Variants in SARS1 observed in about 807,000 individuals in gnomAD.
SARS1 encodes seryl-tRNA synthetase 1.
In SARS1, 25 loss-of-function variants were observed where a neutral mutation model predicts 63.7. The ratio of observed to expected loss-of-function variants is 0.39; its 90% confidence interval spans 0.29 to 0.55. The LOEUF (loss-of-function observed/expected upper bound fraction) is 0.55, where lower values mean the gene tolerates loss of function less well. Among genes scored for constraint, SARS1 ranks in the 20% least tolerant of loss-of-function variants. SARS1 has a pLI of 0.62. For synonymous variants in SARS1, 231 were observed against 243.5 expected, an observed-to-expected ratio of 0.95 and a Z score of 0.48; for missense variants, 417 against 649.7, an observed-to-expected ratio of 0.64 and a Z score of 3.89.
At chr1:109,220,434 C>T (rs922223291) in intron 1 of SARS1, among the ~76,000 whole-genome samples, 8 of 152,188 alleles carry the variant, frequency 5.3e-5, no homozygotes, top group Middle Eastern at 3.2e-3. Context: ...AGTGGTGTCT[C>T]ATTGTTATTT....
At chr1:109,231,077 ATATATATT>A in intron 5 of SARS1, 56 bp downstream of exon 5, 3 of 988,516 alleles carry the variant, frequency 3.0e-6, no homozygotes, top group Non-Finnish European at 3.8e-6. Context: ...AAATATATAT[ATATATATT>A]TTTTTTTTTT....
At chr1:109,233,862 A>ATTTTTTTTTTTTTTT (rs1164453054) in intron 6 of SARS1, among the ~76,000 whole-genome samples, 1 of 65,968 alleles carries the variant, frequency 1.5e-5, no homozygotes, top group Non-Finnish European at 2.7e-5. Flanking sequence ...CACCTGGCTA[A>ATTTTTTTTTTTTTTT]TTTTTTTTTT....
Position 109,237,488 on chromosome 1 carries a change from CTCTG to C in SARS1, c.1387+120_1387+123del, listed in dbSNP as rs1655338473. On this transcript the variant is annotated intron_variant, in intron 10 of 10. Coordinates refer to ENST00000234677, the MANE Select transcript of SARS1 (RefSeq NM_006513.4). This position sits in a 1 kb window ranked among gnomAD's most constrained non-coding sequence, Gnocchi z 4.1. ...TTTTGTTCAGACACAGCCCCTGAAACTCTGTCTGCCCTCTCGGGCTGGGCAGGGC... is the reference window on the plus strand; with the variant it reads ...TTTTGTTCAGACACAGCCCCTGAAACTCTGCCCTCTCGGGCTGGGCAGGGC... The C allele has an allele frequency of 3.4e-6, 5 of 1,479,486 alleles. No individual in the cohort carries two copies. The highest frequency in any genetic ancestry group is 3.7e-6 in the Non-Finnish European group (4 of 1,077,974). 91.6% of individuals were successfully genotyped at this position (1,479,486 alleles called of 1,614,324 possible).
intron 6 of SARS1, among the ~76,000 whole-genome samples, chr1:109,234,396 A>C (rs1655268039): frequency 6.6e-6 from 1 of 151,792 alleles, no homozygotes; most frequent in African/African-American, 2.4e-5. Context: ...ATGGTTGTAT[A>C]ATATTACATA....
At chr1:109,232,722 G>A (rs1655233554) in intron 6 of SARS1, among the ~76,000 whole-genome samples, 1 of 152,198 alleles carries the variant, frequency 6.6e-6, no homozygotes, top group African/African-American at 2.4e-5. Context: ...AGGGAGGAAT[G>A]TGTTCCTTTA....
intron 6 of SARS1, among the ~76,000 whole-genome samples, chr1:109,233,204 TCTCA>T (rs1035169059): frequency 1.3e-5 from 2 of 152,026 alleles, no homozygotes; most frequent in African/African-American, 4.8e-5. Context: ...AGAGACAGGG[TCTCA>T]CTATGTTGCC....
rs904568320 is a variant in SARS1, at chr1:109,215,348, C to T, written c.136+1220C>T. 7 of 985,220 alleles carry T rather than the reference C, an allele frequency of 7.1e-6. No homozygotes were observed. The African/African-American group carries it at 1.2e-4, about 17-fold the overall frequency. The allele number at this position is 985,220 out of a possible 1,614,324, so 61.0% of individuals were successfully genotyped here. On this transcript the variant is annotated intron_variant, in intron 1 of 10. Coordinates refer to ENST00000234677, the MANE Select transcript of SARS1 (RefSeq NM_006513.4). ...TATCAGATTTTTGTGTCAGTCCAGC[C>T]CTTAGCCAGTGCTAAATGACTTTGA...
chr1:109,235,145 G>T lies in SARS1; in HGVS notation c.748-65G>T. ...CACTATTATTGATCTCTTTCTTGTG[G>T]TTTCTTATTCTAGCCAAGGTCCTCC... is the stretch of plus-strand genomic sequence containing the variant. On this transcript the variant is annotated intron_variant, in intron 6 of 10. Coordinates refer to ENST00000234677, the MANE Select transcript of SARS1 (RefSeq NM_006513.4). The surrounding 1 kb of genome is among the most constrained non-coding windows in gnomAD (Gnocchi z 4.7). 2.3e-6 allele frequency: 3 copies of T among 1,303,276 alleles called. No homozygotes were observed. Among genetic ancestry groups the T allele is most frequent in the South Asian group, 1.2e-5 (1 of 84,086 alleles). 80.7% of individuals were successfully genotyped at this position (1,303,276 alleles called of 1,614,324 possible).
intron 5 of SARS1, 132 bp downstream of exon 5, chr1:109,231,153 C>A: frequency 1.9e-6 from 1 of 517,844 alleles, no homozygotes. Flanking sequence ...TTGTACTTGC[C>A]TTTCTGCAAA....
At chr1:109,227,554 C>T (rs772966244) in intron 2 of SARS1, among the ~76,000 whole-genome samples, 1 of 152,116 alleles carries the variant, frequency 6.6e-6, no homozygotes, top group Non-Finnish European at 1.5e-5. Context: ...ATCATTCCAT[C>T]CATCTTTCAC....
Position 109,238,052 on chromosome 1 carries a change from C to T in SARS1, c.*164C>T. On this transcript the variant is annotated 3_prime_UTR_variant, in exon 11 of 11. Transcript: ENST00000234677. ...TGTACCACACAGATGTTCCTGTCTC[C>T]TCGCATGGGCATAGGGACCCATCAT... The T allele has an allele frequency of 2.8e-6, 2 of 718,384 alleles. No individual in the cohort carries two copies. 44.5% of individuals were successfully genotyped at this position (718,384 alleles called of 1,614,324 possible).
At position 109,235,350 on chromosome 1, in the gene SARS1, C is replaced by T; in HGVS notation, c.888C>T (p.Gly296=). 2 of 1,614,098 alleles carry T rather than the reference C, an allele frequency of 1.2e-6. No individual in the cohort carries two copies. The highest frequency in any genetic ancestry group is 4.5e-5 in the East Asian group (2 of 44,874). ...AGGACCTGCCCATCAAGTATGCTGG[C>T]CTGTCTACCTGCTTCCGTCAGGAGG... ...RPEDLPIKYA[G]LSTCFRQEVG... is the part of the protein sequence containing the mutation. The change falls in exon 7 of 11, where the codon GGC becomes GGT. Residue 296 remains glycine (G), a synonymous_variant. Transcript: ENST00000234677. This position sits in a 1 kb window ranked among gnomAD's most constrained non-coding sequence, Gnocchi z 4.7.
At chr1:109,226,404 C>T (rs1238721387) in intron 2 of SARS1, among the ~76,000 whole-genome samples, 18 of 148,512 alleles carry the variant, frequency 1.2e-4, no homozygotes, top group East Asian at 9.8e-4. Context: ...CAGGCTAGAG[C>T]GCAGTGGCGT....
chr1:109,235,839 A>ACTC lies in SARS1; in HGVS notation c.970-138_970-137insCTC. ...CCATAAGCATTTGCTCTTGTGGTCC[A>ACTC]GTCCCAGTTGCTGGGGGCCCAGACT... On this transcript the variant is annotated intron_variant, in intron 7 of 10. Transcript: ENST00000234677. The surrounding 1 kb of genome is among the most constrained non-coding windows in gnomAD (Gnocchi z 4.7). The ACTC allele has an allele frequency of 1.3e-6, 1 of 781,226 alleles. No homozygotes were observed. The highest frequency in any genetic ancestry group is 2.1e-6 in the Non-Finnish European group (1 of 480,932). The allele number at this position is 781,226 out of a possible 1,614,324, so 48.4% of individuals were successfully genotyped here. A position where few individuals can be genotyped will look rare whatever the true frequency, so the allele number is the denominator to read the frequency against.
chr1:109,230,072 C>T (rs980121072), intron 4 of SARS1, among the ~76,000 whole-genome samples: 9 of 152,058 alleles, frequency 5.9e-5, no homozygotes, highest in Admixed American at 4.6e-4. Context: ...TCACTGCAGG[C>T]TGGGGTGTGC....
intron 9 of SARS1, chr1:109,236,848 C>T: frequency 6.2e-7 from 1 of 1,602,056 alleles, no homozygotes; most frequent in Non-Finnish European, 8.5e-7. Flanking sequence ...AAGTTGGAGG[C>T]TTCCCTCTTC....
intron 1 of SARS1, among the ~76,000 whole-genome samples, chr1:109,222,004 ATATATAT>A (rs1654955192): frequency 9.0e-5 from 1 of 11,112 alleles, no homozygotes; most frequent in African/African-American, 4.6e-4. Context: ...ATATATATAT[ATATATAT>A]TTTTTTTTTT....
intron 1 of SARS1, among the ~76,000 whole-genome samples, chr1:109,218,265 G>A (rs895261757): frequency 6.6e-6 from 1 of 150,532 alleles, no homozygotes; most frequent in African/African-American, 2.4e-5. Context: ...TACTTGGGAG[G>A]CCGAGGCAGG....
In SARS1 at chr1:109,237,162, G is replaced by A; in HGVS notation, c.1258-82G>A. On this transcript the variant is annotated intron_variant, in intron 9 of 10. Coordinates refer to ENST00000234677, the MANE Select transcript of SARS1 (RefSeq NM_006513.4). This position sits in a 1 kb window ranked among gnomAD's most constrained non-coding sequence, Gnocchi z 4.1. The stretch of plus-strand genomic sequence containing the variant: ...TGGACAGTTGTGGTTGGGGAAGTCT[G>A]GTTGAATGGATGGTTCCTGGCCGTC... The A allele has an allele frequency of 6.5e-7, 1 of 1,536,850 alleles. No individual in the cohort carries two copies. Among genetic ancestry groups the A allele is most frequent in the Non-Finnish European group, 8.7e-7 (1 of 1,144,620 alleles).
Sources: allele counts gnomAD v4.1 joint callset (sites outside exome capture counted in the v4.1 genomes callset), GRCh38; gene constraint gnomAD v4.1.1; non-coding constraint Gnocchi (gnomAD v3.1); transcripts MANE v1.5; gene names NCBI Gene and HGNC (gene_info 2026-07-23, HGNC 2026-07-21).